Variants in CCDC149 observed in about 807,000 individuals in gnomAD.
CCDC149 encodes coiled-coil domain-containing protein 149.
In CCDC149, 45 loss-of-function variants were observed where a neutral mutation model predicts 59.9. The observed-to-expected ratio is 0.75, with a 90% CI of 0.59 to 0.96. CCDC149 has a LOEUF of 0.96. Ranked by LOEUF, CCDC149 falls within the 40% of genes least tolerant of loss-of-function variation. The pLI, the probability that CCDC149 is intolerant of heterozygous loss-of-function variation, is 0.00. For synonymous variants in CCDC149, 245 were observed against 260.6 expected, an observed-to-expected ratio of 0.94 and a Z score of 0.58; for missense variants, 584 against 664.7, an observed-to-expected ratio of 0.88 and a Z score of 1.33.
Position 24,931,829 on chromosome 4 carries a change from G to GTATATATA in CCDC149, c.-64-36719_-64-36712dup, listed in dbSNP as rs57205804. Among the ~76,000 whole-genome samples, 265 of 76,820 alleles carry GTATATATA rather than the reference G, an allele frequency of 3.4e-3. 15 individuals are homozygous for GTATATATA. Among genetic ancestry groups the GTATATATA allele is most frequent in the South Asian group, 0.01 (23 of 2,202 alleles). The allele number at this position is 76,820 out of a possible 152,430, so 50.4% of individuals were successfully genotyped here. ...CTCCCTTATATTGTATGGAGAGTAT[G>GTATATATA]TATATATATATATATATATATATGC... On this transcript the variant is annotated intron_variant, in intron 1 of 12. Transcript: ENST00000389609.
rs747896575 is a variant in CCDC149 at position 24,876,713 on chromosome 4, A to G, written c.64-16T>C. 6.3e-7 allele frequency: 1 copy of G among 1,595,514 alleles called. No individual in the cohort carries two copies. On this transcript the variant is annotated splice_polypyrimidine_tract_variant and intron_variant, in intron 1 of 12. Coordinates refer to ENST00000635206, the MANE Select transcript of CCDC149 (RefSeq NM_001330643.2). ...ACACCAGGTACTGCAAAGCAAACAA[A>G]TCCAGGCAATGGGTCAAAAACATCC...
At chr4:24,887,063 G>T (rs1347611467) in intron 1 of CCDC149, among the ~76,000 whole-genome samples, 1 of 152,170 alleles carries the variant, frequency 6.6e-6, no homozygotes, top group South Asian at 2.1e-4. Context: ...ACACCATGAG[G>T]GTAGTTTGTG....
Position 24,831,652 on chromosome 4 carries a change from T to C in CCDC149, c.821-2A>G, listed in dbSNP as rs1298431108. 3 of 1,612,164 alleles carry C rather than the reference T, an allele frequency of 1.9e-6. No homozygotes were observed. Among genetic ancestry groups the C allele is most frequent in the Non-Finnish European group, 2.5e-6 (3 of 1,179,340 alleles). ...GATCCTCAGATAGCAGATCCTGAACTAGATAGGATACAAAATGTATAACTC... is the reference window on the plus strand; with the variant it reads ...GATCCTCAGATAGCAGATCCTGAACCAGATAGGATACAAAATGTATAACTC... On this transcript the variant is annotated splice_acceptor_variant, in intron 8 of 12. Transcript: ENST00000635206. LOFTEE classifies it high-confidence loss of function.
intron 1 of CCDC149, among the ~76,000 whole-genome samples, chr4:24,962,966 C>T (rs1326249392): frequency 6.7e-6 from 1 of 148,860 alleles, no homozygotes; most frequent in East Asian, 2.0e-4. Flanking sequence ...AGTTGTATAC[C>T]TATAAAAACT....
chr4:24,905,635 C>T (rs1721457809), intron 1 of CCDC149, among the ~76,000 whole-genome samples: 1 of 152,140 alleles, frequency 6.6e-6, no homozygotes, highest in Admixed American at 6.5e-5. Context: ...TGGGTTTTGC[C>T]ATGTTGGCCA....
chr4:24,876,705 G>A lies in CCDC149; in HGVS notation c.64-8C>T, dbSNP rs1456381140. 6.2e-7 allele frequency: 1 copy of A among 1,603,270 alleles called. No homozygotes were observed. Among genetic ancestry groups the A allele is most frequent in the South Asian group, 1.1e-5 (1 of 89,524 alleles). On this transcript the variant is annotated splice_polypyrimidine_tract_variant and splice_region_variant and intron_variant, in intron 1 of 12. Transcript: ENST00000635206. ...CCTCTTACACACCAGGTACTGCAAAGCAAACAAATCCAGGCAATGGGTCAA... is the reference window on the plus strand; with the variant it reads ...CCTCTTACACACCAGGTACTGCAAAACAAACAAATCCAGGCAATGGGTCAA...
At chr4:24,870,580 C>T (rs767672391) in intron 3 of CCDC149, among the ~76,000 whole-genome samples, 7 of 152,130 alleles carry the variant, frequency 4.6e-5, no homozygotes, top group Non-Finnish European at 8.8e-5. Flanking sequence ...ATGTTTAGGA[C>T]GTTGAACTTA....
chr4:24,875,133 C>G (rs1719330155), intron 2 of CCDC149, among the ~76,000 whole-genome samples: 1 of 151,986 alleles, frequency 6.6e-6, no homozygotes, highest in African/African-American at 2.4e-5. Flanking sequence ...AAGGTGAAAC[C>G]CCATCTCTAC....
Position 24,819,992 on chromosome 4 carries a change from G to GA in CCDC149, c.1076-18dup. The GA allele has an allele frequency of 6.6e-7, 1 of 1,523,880 alleles. No individual in the cohort carries two copies. Among genetic ancestry groups the GA allele is most frequent in the Non-Finnish European group, 8.9e-7 (1 of 1,123,890 alleles). 94.4% of individuals were successfully genotyped at this position (1,523,880 alleles called of 1,614,324 possible). On this transcript the variant is annotated splice_polypyrimidine_tract_variant and intron_variant, in intron 11 of 12. Transcript: ENST00000635206. ...CCTTGCCCCCTGTTGCAGAAAAGAG[G>GA]AAAATGGATGTCTTATATCATCAGT... is the stretch of plus-strand genomic sequence containing the variant.
intron 1 of CCDC149, among the ~76,000 whole-genome samples, chr4:24,957,107 C>A (rs563700676): frequency 6.6e-6 from 1 of 152,348 alleles, no homozygotes; most frequent in East Asian, 1.9e-4. Flanking sequence ...CTACTCAAAA[C>A]ACAGCTCCTG....
intron 1 of CCDC149, among the ~76,000 whole-genome samples, chr4:24,929,143 A>G (rs1722516169): frequency 6.6e-6 from 1 of 152,182 alleles, no homozygotes; most frequent in African/African-American, 2.4e-5. Context: ...GCTTGGTCCC[A>G]TTCCAAGCTG....
chr4:24,809,288 T>A, intron 12 of CCDC149, among the ~76,000 whole-genome samples: 1 of 152,358 alleles, frequency 6.6e-6, no homozygotes, highest in African/African-American at 2.4e-5. Flanking sequence ...CGATTCTCCA[T>A]CAGCATCTCA....
intron 1 of CCDC149, among the ~76,000 whole-genome samples, chr4:24,968,384 T>A (rs1312910936): frequency 6.6e-6 from 1 of 152,190 alleles, no homozygotes; most frequent in African/African-American, 2.4e-5. Context: ...AATGGATGCA[T>A]TCACGGGTAA....
At chr4:24,873,446 T>A (rs1028705265) in intron 3 of CCDC149, among the ~76,000 whole-genome samples, 1 of 152,194 alleles carries the variant, frequency 6.6e-6, no homozygotes, top group African/African-American at 2.4e-5. Context: ...CCATCAGGAT[T>A]CCCAACATGA....
At chr4:24,841,349 T>C (rs1236496624) in intron 4 of CCDC149, among the ~76,000 whole-genome samples, 1 of 152,266 alleles carries the variant, frequency 6.6e-6, no homozygotes, top group Non-Finnish European at 1.5e-5. Flanking sequence ...GTTTGCTTAA[T>C]GCCAATTAAT....
rs150106336 is a variant in CCDC149 at position 24,972,465 on chromosome 4, G to A, written c.-65+7604C>T. Among the ~76,000 whole-genome samples, 12 of 151,936 alleles carry A rather than the reference G, an allele frequency of 7.9e-5. No individual in the cohort carries two copies. The East Asian group carries it at 2.1e-3, about 27-fold the overall frequency. ...TGGGACTACAGGCACGCACTACCAC[G>A]CCCAGATAATTTTTGCATTTTTTGT... is the stretch of plus-strand genomic sequence containing the variant. On this transcript the variant is annotated intron_variant, in intron 1 of 12. Coordinates refer to the CCDC149 transcript ENST00000389609.
chr4:24,940,241 C>T (rs1212148550), intron 1 of CCDC149, among the ~76,000 whole-genome samples: 301 of 141,524 alleles, frequency 2.1e-3, no homozygotes, highest in South Asian at 5.6e-3. Context: ...GGCCAATATT[C>T]AACATTCTTA....
intron 4 of CCDC149, among the ~76,000 whole-genome samples, chr4:24,843,678 C>CA (rs908057533): frequency 9.8e-5 from 15 of 152,340 alleles, no homozygotes; most frequent in African/African-American, 3.4e-4. Context: ...AACACGCACA[C>CA]ACTCAATAGT....
intron 1 of CCDC149, among the ~76,000 whole-genome samples, chr4:24,893,812 G>A (rs1720681555): frequency 6.6e-6 from 1 of 151,212 alleles, no homozygotes; most frequent in African/African-American, 2.4e-5. Context: ...GAGACAATTG[G>A]CCAGGCTGGT....
Sources: allele counts gnomAD v4.1 joint callset (sites outside exome capture counted in the v4.1 genomes callset), GRCh38; gene constraint gnomAD v4.1.1; transcripts MANE v1.5; gene names NCBI Gene and HGNC (gene_info 2026-07-23, HGNC 2026-07-21).